The following CNTNAP5 variants were observed in gnomAD, a reference collection of about 807,000 sequenced individuals.
CNTNAP5 encodes the protein contactin associated protein family member 5, also known as contactin-associated protein-like 5.
A neutral mutation model predicts 150.2 loss-of-function variants in CNTNAP5; 72 were observed. The ratio of observed to expected loss-of-function variants is 0.48; its 90% CI spans 0.40 to 0.58. CNTNAP5 has a LOEUF of 0.58. Among genes scored for constraint, CNTNAP5 ranks in the 20% least tolerant of loss-of-function variants. The pLI is 0.00. For synonymous variants in CNTNAP5, 672 were observed against 619.8 expected, an observed-to-expected ratio of 1.08 and a Z score of -1.25; for missense variants, 1,636 against 1,626.2, an observed-to-expected ratio of 1.01 and a Z score of -0.10.
chr2:124,570,861 A>C (rs1057056154), intron 11 of CNTNAP5, among the ~76,000 whole-genome samples: 3 of 152,154 alleles, frequency 2.0e-5, no homozygotes, highest in African/African-American at 7.2e-5. Context: ...GACCTCATGG[A>C]TGGAGAATGG....
rs147548369 is a variant in CNTNAP5, at chr2:124,271,658, AATCTATCT to A, written c.381+29301_381+29308del. ...AATTTCCTTCATTTAGTTTTTTTTT[AATCTATCT>A]ATCTATCTATCTATCTATCTATCTA... On this transcript the variant is annotated intron_variant, in intron 3 of 23. Transcript: ENST00000682447. Among the ~76,000 whole-genome samples the A allele has an allele frequency of 1.7e-3, 240 of 141,528 alleles. 4 individuals carry two copies. Among genetic ancestry groups the A allele is most frequent in the East Asian group, 7.5e-3 (36 of 4,784 alleles). The allele number at this position is 141,528 out of a possible 152,430, so 92.8% of individuals were successfully genotyped here.
chr2:124,796,935 T>C (rs1681857997), intron 18 of CNTNAP5, among the ~76,000 whole-genome samples: 1 of 152,206 alleles, frequency 6.6e-6, no homozygotes, highest in Admixed American at 6.5e-5. Context: ...AGAGCAGCCT[T>C]GATCTAAGGA....
chr2:124,175,719 G>A (rs1685049074), intron 1 of CNTNAP5, among the ~76,000 whole-genome samples: 1 of 152,148 alleles, frequency 6.6e-6, no homozygotes, highest in South Asian at 2.1e-4. Flanking sequence ...TGCTTAAGAT[G>A]ATGGCTTCCA....
chr2:124,194,230 C>T (rs1015958755), intron 1 of CNTNAP5, among the ~76,000 whole-genome samples: 4 of 151,770 alleles, frequency 2.6e-5, no homozygotes, highest in South Asian at 4.2e-4. Flanking sequence ...CAGCATCCTC[C>T]TCATCCCCTC....
chr2:124,500,446 ATTAC>A (rs1694249851), intron 7 of CNTNAP5, among the ~76,000 whole-genome samples: 1 of 152,160 alleles, frequency 6.6e-6, no homozygotes, highest in African/African-American at 2.4e-5. Flanking sequence ...GGAATGGAAA[ATTAC>A]TTAGAGGTAG....
intron 3 of CNTNAP5, among the ~76,000 whole-genome samples, chr2:124,275,356 A>C (rs959782193): frequency 1.3e-5 from 2 of 152,130 alleles, no homozygotes; most frequent in African/African-American, 4.8e-5. Flanking sequence ...GTATCAGACC[A>C]TTCATTCTAA....
chr2:124,558,236 G>A (rs1404718714), intron 10 of CNTNAP5, among the ~76,000 whole-genome samples: 2 of 152,148 alleles, frequency 1.3e-5, no homozygotes, highest in African/African-American at 2.4e-5. Flanking sequence ...GTGATAAGTG[G>A]TGAGATTCAG....
intron 12 of CNTNAP5, among the ~76,000 whole-genome samples, chr2:124,628,043 C>T (rs1677767505): frequency 6.6e-6 from 1 of 152,132 alleles, no homozygotes; most frequent in Admixed American, 6.5e-5. Flanking sequence ...ACAAACAAAG[C>T]CTCCAAGAAT....
chr2:124,548,264 G>T (rs986605904), intron 10 of CNTNAP5, among the ~76,000 whole-genome samples: 1 of 152,180 alleles, frequency 6.6e-6, no homozygotes, highest in Admixed American at 6.5e-5. Context: ...GGCCAATTAA[G>T]TTGTTGGCCA....
In CNTNAP5 at chr2:124,212,340, G is replaced by A. The variant is rs114999812; in HGVS notation, c.83-9365G>A. Among the ~76,000 whole-genome samples, 579 of 152,242 alleles carry A rather than the reference G, an allele frequency of 3.8e-3. 5 individuals carry two copies. Among genetic ancestry groups the A allele is most frequent in the African/African-American group, 0.013 (559 of 41,558 alleles). ...GATGTGTGTGTGTGTGCTGTGAGAA[G>A]TGTTAATAGATGGGGAGGAGGGAAA... On this transcript the variant is annotated intron_variant, in intron 1 of 23. Coordinates refer to ENST00000682447, the MANE Select transcript of CNTNAP5 (RefSeq NM_001367498.1).
At chr2:124,619,942 G>GCA (rs1184695756) in intron 12 of CNTNAP5, among the ~76,000 whole-genome samples, 1 of 130,058 alleles carries the variant, frequency 7.7e-6, no homozygotes, top group Non-Finnish European at 1.6e-5. Context: ...TATATGTAGT[G>GCA]CACACACACA....
intron 1 of CNTNAP5, among the ~76,000 whole-genome samples, chr2:124,075,763 T>A (rs1223213938): frequency 2.6e-5 from 4 of 152,106 alleles, no homozygotes; most frequent in Admixed American, 2.0e-4. Context: ...ACTGAAAGAC[T>A]TTGGAAGAAG....
intron 11 of CNTNAP5, among the ~76,000 whole-genome samples, chr2:124,567,862 T>TAGACAGATAGATAGATAGATAG (rs1553480442): frequency 7.8e-6 from 1 of 128,046 alleles, no homozygotes; most frequent in South Asian, 2.7e-4. Flanking sequence ...GATAGATAGA[T>TAGACAGATAGATAGATAGATAG]AGATAGATAG....
intron 17 of CNTNAP5, among the ~76,000 whole-genome samples, chr2:124,787,100 A>G (rs1681615403): frequency 6.6e-6 from 1 of 151,920 alleles, no homozygotes; most frequent in Admixed American, 6.6e-5. Flanking sequence ...CTTCTCCATT[A>G]AAAAAGTTGT....
chr2:124,087,591 G>A (rs979638859), intron 1 of CNTNAP5, among the ~76,000 whole-genome samples: 3 of 151,772 alleles, frequency 2.0e-5, no homozygotes, highest in East Asian at 1.9e-4. Context: ...GCGTGGTGGC[G>A]TGGGCCTGTA....
intron 13 of CNTNAP5, among the ~76,000 whole-genome samples, chr2:124,675,534 T>C (rs1678922010): frequency 6.6e-6 from 1 of 152,170 alleles, no homozygotes; most frequent in Non-Finnish European, 1.5e-5. Context: ...AATTTGGTTA[T>C]CCTGGGAATT....
At chr2:124,892,757 AT>A (rs1489237970) in intron 21 of CNTNAP5, among the ~76,000 whole-genome samples, 1 of 152,132 alleles carries the variant, frequency 6.6e-6, no homozygotes, top group East Asian at 1.9e-4. Context: ...TATTTACCGA[AT>A]TGAATTTGTG....
chr2:124,512,272 C>T (rs1377042025), intron 8 of CNTNAP5, among the ~76,000 whole-genome samples: 2 of 151,850 alleles, frequency 1.3e-5, no homozygotes, highest in Non-Finnish European at 2.9e-5. Context: ...GTGTACTGCC[C>T]TGATGTCACC....
chr2:124,880,108 G>T (rs1266549386), intron 21 of CNTNAP5, among the ~76,000 whole-genome samples: 3 of 152,112 alleles, frequency 2.0e-5, no homozygotes, highest in Admixed American at 6.6e-5. Flanking sequence ...TTTGCAGGAT[G>T]CCATTAATGA....
Sources: gnomAD v4.1 joint callset for allele counts (sites outside exome capture counted in the v4.1 genomes callset) on GRCh38, gnomAD v4.1.1 for gene constraint, MANE v1.5 for transcripts, NCBI Gene and HGNC (gene_info 2026-07-23, HGNC 2026-07-21) for gene names.